The following WDR49 variants were observed in gnomAD, a reference collection of about 807,000 sequenced individuals.
WDR49 encodes the protein cilia- and flagella-associated protein 337.
A neutral mutation model predicts 119.5 loss-of-function variants in WDR49; 107 were observed. The ratio of observed to expected loss-of-function variants is 0.90; its 90% CI spans 0.77 to 1.05. WDR49 has a LOEUF of 1.05. WDR49 is among the 50% of genes least tolerant of loss of function. The probability of loss-of-function intolerance (pLI) is 0.00; values close to 1 mark genes in which losing one functional copy is unlikely to be tolerated. For missense variants in WDR49, 1,240 were observed against 1,220.5 expected (o/e 1.02, Z -0.24); for synonymous variants, 425 against 418.8 (o/e 1.01, Z -0.18).
intron 5 of WDR49, among the ~76,000 whole-genome samples, chr3:167,611,614 G>A (rs926318540): frequency 5.9e-5 from 9 of 152,076 alleles, no homozygotes; most frequent in Non-Finnish European, 1.2e-4. Context: ...CATATAGACT[G>A]AAACACAGAA....
intron 2 of WDR49, among the ~76,000 whole-genome samples, chr3:167,652,365 C>T (rs1034476375): frequency 4.6e-5 from 7 of 152,034 alleles, no homozygotes; most frequent in South Asian, 4.2e-4. Flanking sequence ...TTATTAATTT[C>T]CAGGTGGTAT....
intron 7 of WDR49, among the ~76,000 whole-genome samples, chr3:167,586,787 T>C (rs538771815): frequency 1.3e-5 from 2 of 152,254 alleles, no homozygotes; most frequent in Non-Finnish European, 2.9e-5. Flanking sequence ...TATAATGTAA[T>C]GCAAACAAAA....
chr3:167,588,158 A>AT (rs1390287374), intron 7 of WDR49, among the ~76,000 whole-genome samples: 3 of 151,984 alleles, frequency 2.0e-5, no homozygotes, highest in African/African-American at 7.2e-5. Flanking sequence ...CATCAGTTCA[A>AT]TTGTTTTAAT....
At chr3:167,520,394 G>T (rs1357512985) in intron 16 of WDR49, among the ~76,000 whole-genome samples, 2 of 152,090 alleles carry the variant, frequency 1.3e-5, no homozygotes, top group African/African-American at 4.8e-5. Context: ...ATCTGTCTGT[G>T]TTACCCTAAG....
intron 18 of WDR49, among the ~76,000 whole-genome samples, chr3:167,492,351 A>G (rs979037058): frequency 6.6e-6 from 1 of 152,148 alleles, no homozygotes; most frequent in African/African-American, 2.4e-5. Context: ...ATTTTGAAAT[A>G]TTAATAGCAT....
chr3:167,651,915 T>C (rs532462425), intron 2 of WDR49, among the ~76,000 whole-genome samples: 2 of 152,310 alleles, frequency 1.3e-5, no homozygotes, highest in Admixed American at 6.5e-5. Context: ...ACTCTCCTAA[T>C]AGGCCCTAGC....
At chr3:167,506,119 C>T (rs1577204226) in intron 16 of WDR49, among the ~76,000 whole-genome samples, 2 of 152,164 alleles carry the variant, frequency 1.3e-5, no homozygotes, top group Admixed American at 6.5e-5. Flanking sequence ...GTCTCAAAAT[C>T]GTGGAGAGTC....
intron 16 of WDR49, among the ~76,000 whole-genome samples, chr3:167,521,096 G>A (rs1752417059): frequency 6.6e-6 from 1 of 152,038 alleles, no homozygotes; most frequent in African/African-American, 2.4e-5. Context: ...GAGCAGTGGG[G>A]AAACAGTGGA....
At position 167,536,723 on chromosome 3, in the gene WDR49, A is replaced by G. The variant is rs979799341; in HGVS notation, c.1954+147T>C. The G allele has an allele frequency of 5.3e-5, 10 of 190,186 alleles. No homozygotes were observed. The East Asian group carries it at 1.2e-3, about 23-fold the overall frequency. The allele number at this position is 190,186 out of a possible 1,614,324, so 11.8% of individuals were successfully genotyped here. On this transcript the variant is annotated intron_variant, in intron 11 of 18. Coordinates refer to ENST00000682715, the MANE Select transcript of WDR49 (RefSeq NM_001366157.1). ...TATATATACACACACATATATATAT[A>G]TATATATATACACACACACACACAT...
chr3:167,610,266 T>C (rs1716279703), intron 5 of WDR49, among the ~76,000 whole-genome samples: 2 of 152,124 alleles, frequency 1.3e-5, no homozygotes, highest in Non-Finnish European at 2.9e-5. Flanking sequence ...ACTTGACTCT[T>C]GGATGGAATT....
chr3:167,494,462 C>T (rs909058834), intron 18 of WDR49, among the ~76,000 whole-genome samples: 3 of 150,306 alleles, frequency 2.0e-5, no homozygotes, highest in Admixed American at 6.6e-5. Flanking sequence ...ATTCTCACTG[C>T]ACCAGATAGG....
chr3:167,592,424 T>G (rs1715165062), intron 7 of WDR49, among the ~76,000 whole-genome samples: 1 of 147,828 alleles, frequency 6.8e-6, no homozygotes, highest in African/African-American at 2.6e-5. Flanking sequence ...TTAGATGATT[T>G]CTTTTTCTTT....
chr3:167,480,274 A>G (rs907598413), intron 18 of WDR49, among the ~76,000 whole-genome samples: 1 of 150,468 alleles, frequency 6.6e-6, no homozygotes, highest in Non-Finnish European at 1.5e-5. Flanking sequence ...AAAAAAAAGG[A>G]AAAATAATAA....
chr3:167,553,376 T>A (rs1015927451), intron 10 of WDR49, among the ~76,000 whole-genome samples: 1 of 152,056 alleles, frequency 6.6e-6, no homozygotes, highest in Non-Finnish European at 1.5e-5. Context: ...GATAGAATAA[T>A]AGATGTTCCT....
intron 15 of WDR49, among the ~76,000 whole-genome samples, chr3:167,522,749 A>T (rs964527948): frequency 3.9e-5 from 6 of 152,110 alleles, no homozygotes; most frequent in East Asian, 1.9e-4. Context: ...AACTACAAAA[A>T]TTTTTTTACC....
At chr3:167,482,556 G>A (rs1750757856) in intron 18 of WDR49, among the ~76,000 whole-genome samples, 2 of 151,680 alleles carry the variant, frequency 1.3e-5, no homozygotes, top group East Asian at 3.9e-4. Flanking sequence ...GTGGGCGCCT[G>A]TGGTCCCAGC....
intron 5 of WDR49, among the ~76,000 whole-genome samples, chr3:167,615,547 C>G (rs1716556048): frequency 6.6e-6 from 1 of 151,656 alleles, no homozygotes; most frequent in Admixed American, 6.6e-5. Context: ...TAAAATTCAC[C>G]CAATAATTTA....
chr3:167,588,789 A>AT (rs913750045), intron 7 of WDR49, among the ~76,000 whole-genome samples: 28 of 151,628 alleles, frequency 1.8e-4, no homozygotes, highest in Non-Finnish European at 2.7e-4. Flanking sequence ...AGATTGTTAG[A>AT]TTTTTTTTCC....
At chr3:167,504,588 A>T (rs1751697138) in intron 17 of WDR49, among the ~76,000 whole-genome samples, 1 of 152,146 alleles carries the variant, frequency 6.6e-6, no homozygotes. Context: ...TCAGATGAGA[A>T]CTTTGAACTT....
Sources: allele counts gnomAD v4.1 joint callset (sites outside exome capture counted in the v4.1 genomes callset), GRCh38; gene constraint gnomAD v4.1.1; transcripts MANE v1.5; gene names NCBI Gene and HGNC (gene_info 2026-07-23, HGNC 2026-07-21).